Variants in PARD3 observed in about 807,000 individuals in gnomAD.
PARD3 encodes partitioning defective 3 homolog.
In PARD3, 75 loss-of-function variants were observed where a neutral mutation model predicts 155.4. The ratio of observed to expected loss-of-function variants is 0.48; its 90% confidence interval spans 0.40 to 0.58. The LOEUF is 0.58. Among genes scored for constraint, PARD3 ranks in the 20% least tolerant of loss-of-function variants. The pLI, the probability that PARD3 is intolerant of heterozygous loss-of-function variation, is 0.00. For synonymous variants in PARD3, 576 were observed against 610.5 expected (o/e 0.94, Z 0.83); for missense variants, 1,642 against 1,721.7 (o/e 0.95, Z 0.82).
chr10:34,314,212 A>T (rs981627651), intron 20 of PARD3, among the ~76,000 whole-genome samples: 1 of 151,956 alleles, frequency 6.6e-6, no homozygotes, highest in Non-Finnish European at 1.5e-5. Flanking sequence ...AAAAGAAGGA[A>T]ACGTAAAAGA....
chr10:34,465,819 A>G (rs543359865), intron 4 of PARD3, among the ~76,000 whole-genome samples: 24 of 151,860 alleles, frequency 1.6e-4, no homozygotes, highest in Middle Eastern at 3.4e-3. Context: ...CACAGTCCTT[A>G]TCCCCGGCAC....
At chr10:34,303,598 A>G (rs1025996228) in intron 20 of PARD3, among the ~76,000 whole-genome samples, 2 of 152,024 alleles carry the variant, frequency 1.3e-5, no homozygotes, top group Non-Finnish European at 2.9e-5. Flanking sequence ...AAAATCAGCT[A>G]TAAGAGCAGG....
intron 2 of PARD3, among the ~76,000 whole-genome samples, chr10:34,596,762 A>G (rs901589441): frequency 6.6e-6 from 1 of 152,202 alleles, no homozygotes; most frequent in Non-Finnish European, 1.5e-5. Context: ...GGAGGATGAG[A>G]CAGGGAAGGG....
At chr10:34,459,927 A>G (rs2077542850) in intron 4 of PARD3, among the ~76,000 whole-genome samples, 1 of 152,154 alleles carries the variant, frequency 6.6e-6, no homozygotes, top group African/African-American at 2.4e-5. Context: ...GGTACAGTCT[A>G]CCTTAGCTTT....
chr10:34,634,851 C>T (rs1252727401), intron 2 of PARD3, among the ~76,000 whole-genome samples: 1 of 152,124 alleles, frequency 6.6e-6, no homozygotes, highest in African/African-American at 2.4e-5. Context: ...GTGCTGGGAA[C>T]AAAAGGCATC....
chr10:34,333,651 T>C (rs1835850117), intron 18 of PARD3, among the ~76,000 whole-genome samples: 1 of 152,004 alleles, frequency 6.6e-6, no homozygotes. Flanking sequence ...AAACTGTGAG[T>C]CAAATGTGGA....
intron 19 of PARD3, 128 bp from the exon 20 acceptor site, chr10:34,317,466 A>C: frequency 1.1e-6 from 1 of 902,944 alleles, no homozygotes; most frequent in South Asian, 1.9e-5. Flanking sequence ...AGCAACATGG[A>C]CTGCAATGCT....
At chr10:34,336,123 G>A in intron 18 of PARD3, 76 bp downstream of exon 18, 1 of 1,042,760 alleles carries the variant, frequency 9.6e-7, no homozygotes, top group Non-Finnish European at 1.5e-6. Context: ...CATGGCATAT[G>A]ATTGGCAGCT....
intron 2 of PARD3, among the ~76,000 whole-genome samples, chr10:34,674,438 C>T (rs561507913): frequency 6.6e-6 from 1 of 151,404 alleles, no homozygotes; most frequent in Non-Finnish European, 1.5e-5. Context: ...ACACTACAGC[C>T]TCAATACAGC....
intron 1 of PARD3, among the ~76,000 whole-genome samples, chr10:34,731,790 A>C (rs547131082): frequency 6.2e-4 from 94 of 152,326 alleles, no homozygotes; most frequent in African/African-American, 1.9e-3. Context: ...CTTTATTTTT[A>C]ATTTAAATCA....
intron 2 of PARD3, among the ~76,000 whole-genome samples, chr10:34,527,871 T>A (rs942410375): frequency 6.6e-6 from 1 of 152,212 alleles, no homozygotes; most frequent in African/African-American, 2.4e-5. Flanking sequence ...TTTGCTACTC[T>A]CATTATTTCA....
At chr10:34,630,443 CTTTT>C (rs755155387) in intron 2 of PARD3, among the ~76,000 whole-genome samples, 2 of 139,312 alleles carry the variant, frequency 1.4e-5, no homozygotes, top group East Asian at 2.1e-4. Flanking sequence ...CCCTCTCTCT[CTTTT>C]TTTTTTTTTT....
At chr10:34,241,900 A>C (rs1421814390) in intron 22 of PARD3, among the ~76,000 whole-genome samples, 2 of 152,226 alleles carry the variant, frequency 1.3e-5, no homozygotes, top group Non-Finnish European at 2.9e-5. Flanking sequence ...GTATCTGTTT[A>C]ACTCTCAAGT....
At chr10:34,551,092 C>T (rs1274683103) in intron 2 of PARD3, among the ~76,000 whole-genome samples, 1 of 152,164 alleles carries the variant, frequency 6.6e-6, no homozygotes, top group African/African-American at 2.4e-5. Context: ...TAACCCAAAG[C>T]AACCGAAATG....
intron 3 of PARD3, among the ~76,000 whole-genome samples, chr10:34,512,506 C>T (rs998085960): frequency 2.0e-5 from 3 of 152,130 alleles, no homozygotes; most frequent in African/African-American, 7.2e-5. Flanking sequence ...CCAGGATGAT[C>T]CCATACATTT....
At chr10:34,283,625 T>C (rs961519405) in intron 21 of PARD3, among the ~76,000 whole-genome samples, 1 of 152,024 alleles carries the variant, frequency 6.6e-6, no homozygotes, top group East Asian at 1.9e-4. Context: ...AATGTGAAGA[T>C]GGTAAAATAG....
intron 22 of PARD3, among the ~76,000 whole-genome samples, chr10:34,208,064 A>C (rs1951562897): frequency 6.6e-6 from 1 of 152,232 alleles, no homozygotes; most frequent in African/African-American, 2.4e-5. Context: ...AAACAATTTT[A>C]AGTGCCTTTG....
chr10:34,710,154 G>C (rs1322729428), intron 1 of PARD3, among the ~76,000 whole-genome samples: 1 of 152,080 alleles, frequency 6.6e-6, no homozygotes, highest in Non-Finnish European at 1.5e-5. Flanking sequence ...ATAGAGAATG[G>C]GAACTAGCTA....
chr10:34,345,473 G>A (rs547151064), intron 15 of PARD3: 1 of 984,876 alleles, frequency 1.0e-6, no homozygotes, highest in Non-Finnish European at 1.2e-6. Context: ...AGATCATGAA[G>A]TAAATACCTC....
Sources: allele counts gnomAD v4.1 joint callset (sites outside exome capture counted in the v4.1 genomes callset), GRCh38; gene constraint gnomAD v4.1.1; transcripts MANE v1.5; gene names NCBI Gene and HGNC (gene_info 2026-07-23, HGNC 2026-07-21).